Variants in CCNYL1 observed in about 807,000 individuals in gnomAD.
CCNYL1 encodes the protein cyclin-Y-like protein 1.
Under a neutral mutation model 44.2 loss-of-function variants are expected in CCNYL1, and 16 were observed. The observed-to-expected ratio is 0.36, with a 90% confidence interval of 0.25 to 0.55. The LOEUF (loss-of-function observed/expected upper bound fraction) is 0.55. Among genes scored for constraint, CCNYL1 ranks in the 20% least tolerant of loss-of-function variants. The pLI is 0.85. For missense variants in CCNYL1, 348 were observed against 451.8 expected (o/e 0.77, Z 2.08); for synonymous variants, 159 against 163.2 (o/e 0.97, Z 0.20).
At position 207,714,470 on chromosome 2, in the gene CCNYL1, T is replaced by C. The variant is rs1474783497; in HGVS notation, c.220+2354T>C. The C allele has an allele frequency of 1.7e-4, 61 of 357,784 alleles. 1 individual carries two copies. The Admixed American group carries it at 2.4e-3, about 14-fold the overall frequency. 22.2% of individuals were successfully genotyped at this position (357,784 alleles called of 1,614,324 possible). A position where few individuals can be genotyped will look rare whatever the true frequency, so the allele number is the denominator to read the frequency against. On this transcript the variant is annotated intron_variant, in intron 1 of 9. Coordinates refer to ENST00000295414, the MANE Select transcript of CCNYL1 (RefSeq NM_001330218.2). Reference sequence around the variant, plus strand: ...TGCCATCTTGCCTGGCTCCATCTTATGTCTATACATTCATTTCAGTGGATA... The same window carrying C: ...TGCCATCTTGCCTGGCTCCATCTTACGTCTATACATTCATTTCAGTGGATA...
chr2:207,726,950 A>G (rs2091684282), intron 3 of CCNYL1, 74 bp downstream of exon 3: 5 of 1,067,900 alleles, frequency 4.7e-6, no homozygotes, highest in Non-Finnish European at 6.6e-6. Flanking sequence ...CCATAAAAAT[A>G]TAATGGGGAC....
chr2:207,726,761 T>C, intron 2 of CCNYL1, 81 bp from the exon 3 acceptor site: 5 of 880,426 alleles, frequency 5.7e-6, no homozygotes, highest in Middle Eastern at 2.3e-4. Flanking sequence ...ATTTTGTATA[T>C]TGTTAATCAG....
At chr2:207,729,685 T>C (rs1285429744) in intron 3 of CCNYL1, among the ~76,000 whole-genome samples, 1 of 151,974 alleles carries the variant, frequency 6.6e-6, no homozygotes, top group Non-Finnish European at 1.5e-5. Context: ...CCTTTCCCCT[T>C]TCCTTTCTCC....
At chr2:207,712,732 A>G (rs2091561250) in intron 1 of CCNYL1, among the ~76,000 whole-genome samples, 1 of 152,192 alleles carries the variant, frequency 6.6e-6, no homozygotes, top group Non-Finnish European at 1.5e-5. Context: ...TCCAACTATA[A>G]TTTGAACACA....
intron 3 of CCNYL1, among the ~76,000 whole-genome samples, chr2:207,732,029 C>T (rs777711068): frequency 4.6e-5 from 7 of 151,982 alleles, no homozygotes; most frequent in Non-Finnish European, 7.4e-5. Flanking sequence ...TGGCTGGTCT[C>T]GAACTCCTGA....
chr2:207,747,946 T>C (rs553629818), intron 8 of CCNYL1, among the ~76,000 whole-genome samples: 1 of 152,320 alleles, frequency 6.6e-6, no homozygotes, highest in Non-Finnish European at 1.5e-5. Context: ...TATCTTTTCA[T>C]GTGACCAGTA....
At chr2:207,720,288 T>A (rs73060869) in intron 1 of CCNYL1, among the ~76,000 whole-genome samples, 2,042 of 152,200 alleles carry the variant, frequency 0.013, 42 homozygotes, top group African/African-American at 0.047. Context: ...ATGGGCTTCT[T>A]TGGATACTGC....
In CCNYL1 at chr2:207,755,514, T is replaced by TA. The variant is rs2091925785; in HGVS notation, c.*1820dup. Reference sequence around the variant, plus strand: ...GTATCTCCATAAAATGCCCTCTTTTTAAAAGTAGTTACCCGCAGAGCTGTG... The same window carrying TA: ...GTATCTCCATAAAATGCCCTCTTTTTAAAAAGTAGTTACCCGCAGAGCTGTG... On this transcript the variant is annotated 3_prime_UTR_variant, in exon 10 of 10. Coordinates refer to ENST00000295414, the MANE Select transcript of CCNYL1 (RefSeq NM_001330218.2). The TA allele has an allele frequency of 2.0e-5, 3 of 152,228 alleles. No individual in the cohort carries two copies. The highest frequency in any genetic ancestry group is 7.2e-5 in the African/African-American group (3 of 41,464). 9.4% of individuals were successfully genotyped at this position (152,228 alleles called of 1,614,324 possible).
chr2:207,712,233 G>A (rs1024563827), intron 1 of CCNYL1, 117 bp downstream of exon 1: 3 of 800,888 alleles, frequency 3.7e-6, no homozygotes, highest in Non-Finnish European at 1.9e-6. Context: ...GCCGGCCCCG[G>A]GACGAAGGCT....
intron 8 of CCNYL1, 89 bp downstream of exon 8, chr2:207,747,302 GT>G: frequency 8.6e-7 from 1 of 1,156,984 alleles, no homozygotes; most frequent in African/African-American, 1.6e-5. Context: ...ATTTTTAAAG[GT>G]TACATTATGC....
chr2:207,733,947 G>A lies in CCNYL1; in HGVS notation c.331G>A (p.Val111Ile). The change falls in exon 4 of 10, where the codon GTA becomes ATA. Residue 111 changes from valine (V) to isoleucine (I), a missense_variant and splice_region_variant. Val to Ile is a conservative substitution (Grantham distance 29). This residue lies in a region of CCNYL1 where 209 missense variants were observed against 247.7 expected (regional missense o/e 0.84). Coordinates refer to ENST00000295414, the MANE Select transcript of CCNYL1 (RefSeq NM_001330218.2). ...EKRKSNHLNH[V>I]SPGQLTKKYS... Reference sequence around the variant, plus strand: ...TTCTTCTATTTCCCTTCCCCTTCAGGTATCTCCAGGGCAGCTTACTAAAAA... The same window carrying A: ...TTCTTCTATTTCCCTTCCCCTTCAGATATCTCCAGGGCAGCTTACTAAAAA... 2 of 1,593,784 alleles carry A rather than the reference G, an allele frequency of 1.3e-6. No individual in the cohort carries two copies. Among genetic ancestry groups the A allele is most frequent in the Non-Finnish European group, 1.7e-6 (2 of 1,163,046 alleles).
At chr2:207,753,332 A>G (rs1211232630) in intron 9 of CCNYL1, among the ~76,000 whole-genome samples, 1 of 152,142 alleles carries the variant, frequency 6.6e-6, no homozygotes, top group African/African-American at 2.4e-5. Context: ...TATCTTTGGG[A>G]ATCCAGTTTT....
chr2:207,735,115 T>G (rs2091754994), intron 4 of CCNYL1, among the ~76,000 whole-genome samples: 3 of 152,236 alleles, frequency 2.0e-5, no homozygotes, highest in Admixed American at 2.0e-4. Flanking sequence ...TATAATAGAT[T>G]TCATGCTTTT....
chr2:207,729,579 A>G (rs910305341), intron 3 of CCNYL1, among the ~76,000 whole-genome samples: 1 of 152,080 alleles, frequency 6.6e-6, no homozygotes, highest in African/African-American at 2.4e-5. Context: ...AGGCCAAGCT[A>G]GCCTTTAATT....
chr2:207,746,872 A>C (rs932148343), intron 7 of CCNYL1, among the ~76,000 whole-genome samples, 175 bp from the exon 8 acceptor site: 1 of 151,926 alleles, frequency 6.6e-6, no homozygotes, highest in African/African-American at 2.4e-5. Context: ...CCTAGTCGGG[A>C]GGCCGAGGCA....
At chr2:207,725,129 T>TC (rs1056173160) in intron 2 of CCNYL1, among the ~76,000 whole-genome samples, 1 of 150,688 alleles carries the variant, frequency 6.6e-6, no homozygotes, top group Admixed American at 6.6e-5. Flanking sequence ...AACATGGATT[T>TC]TTTTTTTTTT....
intron 2 of CCNYL1, among the ~76,000 whole-genome samples, chr2:207,725,626 A>T (rs574172438): frequency 2.3e-4 from 35 of 152,354 alleles, no homozygotes; most frequent in Admixed American, 9.8e-4. Flanking sequence ...AGCCTATCAC[A>T]TTCAAATTTA....
intron 9 of CCNYL1, among the ~76,000 whole-genome samples, chr2:207,751,768 C>T (rs376385423): frequency 3.3e-5 from 5 of 152,008 alleles, no homozygotes; most frequent in East Asian, 1.9e-4. Context: ...GCAGGAGAAT[C>T]GCTTGAACCC....
chr2:207,742,757 T>C (rs1288737676), intron 7 of CCNYL1, among the ~76,000 whole-genome samples: 3 of 152,166 alleles, frequency 2.0e-5, no homozygotes, highest in Non-Finnish European at 1.5e-5. Flanking sequence ...ATTTCCGATA[T>C]GTGTGGTGAT....
Sources: gnomAD v4.1 joint callset for allele counts (sites outside exome capture counted in the v4.1 genomes callset) on GRCh38, gnomAD v4.1.1 for gene constraint, gnomAD v4.1.1 regional missense constraint, MANE v1.5 for transcripts, NCBI Gene and HGNC (gene_info 2026-07-23, HGNC 2026-07-21) for gene names.